The following UGGT2 variants were observed in gnomAD, a reference collection of about 807,000 sequenced individuals.
UGGT2 encodes UDP-glucose glycoprotein glucosyltransferase 2.
UGGT2 carries 180 observed loss-of-function variants against 192.1 expected under a neutral mutation model. The observed-to-expected ratio is 0.94, with a 90% confidence interval of 0.83 to 1.06. The LOEUF (loss-of-function observed/expected upper bound fraction) is 1.06. UGGT2 is among the 50% of genes least tolerant of loss of function. The pLI, the probability that UGGT2 is intolerant of heterozygous loss-of-function variation, is 0.00. For synonymous variants in UGGT2, 580 were observed against 591.0 expected (o/e 0.98, Z 0.27); for missense variants, 1,849 against 1,795.7 (o/e 1.03, Z -0.54).
chr13:95,882,781 A>T (rs1455711652), intron 27 of UGGT2, among the ~76,000 whole-genome samples: 1 of 152,206 alleles, frequency 6.6e-6, no homozygotes, highest in East Asian at 1.9e-4. Context: ...ATAGCTGCTG[A>T]AATTTTCACC....
intron 12 of UGGT2, among the ~76,000 whole-genome samples, chr13:95,965,985 G>T (rs942252775): frequency 1.3e-5 from 2 of 152,070 alleles, no homozygotes; most frequent in Admixed American, 1.3e-4. Flanking sequence ...ACACTATGGA[G>T]ATTCCTCAAA....
intron 1 of UGGT2, 58 bp downstream of exon 1, chr13:96,053,097 C>T (rs558993114): frequency 9.7e-5 from 137 of 1,407,596 alleles, no homozygotes; most frequent in Non-Finnish European, 1.2e-4. Context: ...GAAGAAAGCG[C>T]GGCTGAGGGT....
At chr13:95,976,237 C>A (rs1241695769) in intron 10 of UGGT2, among the ~76,000 whole-genome samples, 1 of 152,060 alleles carries the variant, frequency 6.6e-6, no homozygotes, top group Non-Finnish European at 1.5e-5. Flanking sequence ...TCTATTGTTG[C>A]TAAAGATGAC....
intron 2 of UGGT2, among the ~76,000 whole-genome samples, chr13:96,025,595 G>GT (rs2052639431): frequency 6.6e-6 from 1 of 152,260 alleles, no homozygotes; most frequent in Admixed American, 6.5e-5. Flanking sequence ...TCACTCAGGA[G>GT]ATTTCCTCTA....
At chr13:95,875,085 T>A (rs952650635) in intron 29 of UGGT2, among the ~76,000 whole-genome samples, 2 of 152,186 alleles carry the variant, frequency 1.3e-5, no homozygotes, top group African/African-American at 4.8e-5. Context: ...CAGCTCCTGT[T>A]ACTCCATATC....
intron 38 of UGGT2, among the ~76,000 whole-genome samples, chr13:95,811,377 C>T (rs1480816268): frequency 6.6e-6 from 1 of 152,146 alleles, no homozygotes; most frequent in Admixed American, 6.5e-5. Context: ...CTGGACAATC[C>T]TATCCATGTG....
At position 96,031,985 on chromosome 13, in the gene UGGT2, A is replaced by T; in HGVS notation, c.159-14T>A. On this transcript the variant is annotated splice_polypyrimidine_tract_variant and intron_variant, in intron 1 of 38. Coordinates refer to ENST00000376747, the MANE Select transcript of UGGT2 (RefSeq NM_020121.4). ...GCCATAAATTCACTATTAAAAAAAT[A>T]GAAGTAATCGGTTAGTAGATGGAAT... 3 of 1,581,766 alleles carry T rather than the reference A, an allele frequency of 1.9e-6. No homozygotes were observed. Among genetic ancestry groups the T allele is most frequent in the Non-Finnish European group, 2.6e-6 (3 of 1,152,958 alleles).
At chr13:95,825,137 T>C (rs1485550663) in intron 38 of UGGT2, among the ~76,000 whole-genome samples, 3 of 152,138 alleles carry the variant, frequency 2.0e-5, no homozygotes, top group African/African-American at 7.2e-5. Flanking sequence ...CCTATGGAAT[T>C]GTAATGGCAG....
Position 95,845,826 on chromosome 13 carries a change from G to A in UGGT2, c.4284+7717C>T, listed in dbSNP as rs368417180. 1.4e-3 allele frequency among the ~76,000 whole-genome samples: 213 copies of A among 150,980 alleles called. No individual in the cohort carries two copies. In the South Asian group the frequency reaches 0.014, roughly 10 times the overall value. On this transcript the variant is annotated intron_variant, in intron 36 of 38. Transcript: ENST00000376747. ...CTCTTCACATCTCAGACGGGGTGGC[G>A]GGGTGGCGGGGCAGAGGCGCTCCCC...
intron 11 of UGGT2, 52 bp downstream of exon 11, chr13:95,972,528 G>A: frequency 5.0e-6 from 7 of 1,404,912 alleles, no homozygotes; most frequent in Non-Finnish European, 7.0e-6. Flanking sequence ...TCAAGACAAT[G>A]TTTATTTTTA....
rs140120760 is a variant in UGGT2, at chr13:96,000,190, T to C, written c.661-883A>G. Among the ~76,000 whole-genome samples the C allele has an allele frequency of 6.3e-4, 96 of 152,332 alleles. 2 individuals are homozygous for C. In the East Asian group the frequency reaches 0.018, roughly 29 times the overall value. ...AGCAAACTCCCTGGAAGAAGCCATG[T>C]GTCTTTGCTTAATTCAGGTTTGCAC... is the stretch of plus-strand genomic sequence containing the variant. On this transcript the variant is annotated intron_variant, in intron 5 of 38. Transcript: ENST00000376747.
At chr13:95,929,322 G>A (rs1303098840) in intron 17 of UGGT2, among the ~76,000 whole-genome samples, 1 of 152,108 alleles carries the variant, frequency 6.6e-6, no homozygotes, top group African/African-American at 2.4e-5. Flanking sequence ...AGATTCGAGG[G>A]TACACATGCA....
At chr13:95,967,300 G>C (rs754518315) in intron 12 of UGGT2, among the ~76,000 whole-genome samples, 1 of 151,356 alleles carries the variant, frequency 6.6e-6, no homozygotes, top group South Asian at 2.1e-4. Context: ...CTACAGGCAC[G>C]TACCACCACA....
chr13:95,967,750 G>A (rs2050634665), intron 12 of UGGT2, among the ~76,000 whole-genome samples: 1 of 152,136 alleles, frequency 6.6e-6, no homozygotes. Flanking sequence ...GGGATTACAG[G>A]CATGAGACAC....
Position 95,994,750 on chromosome 13 carries a change from T to A in UGGT2, c.830+1313A>T, listed in dbSNP as rs146971054. On this transcript the variant is annotated intron_variant, in intron 7 of 38. Coordinates refer to ENST00000376747, the MANE Select transcript of UGGT2 (RefSeq NM_020121.4). The stretch of plus-strand genomic sequence containing the variant: ...TTCGAATATGGGAAATCATAATTTG[T>A]ATGGTGATAGCACCATATAGTGCAA... 4.2e-4 allele frequency among the ~76,000 whole-genome samples: 64 copies of A among 152,162 alleles called. 1 individual carries two copies. The East Asian group carries it at 0.011, about 27-fold the overall frequency.
At chr13:95,828,220 A>G (rs534364868) in intron 38 of UGGT2, among the ~76,000 whole-genome samples, 16 of 152,268 alleles carry the variant, frequency 1.1e-4, no homozygotes, top group African/African-American at 3.1e-4. Context: ...AGAAAGCAGG[A>G]AAGATCTAAA....
chr13:96,023,268 CTAAT>C, intron 3 of UGGT2, 116 bp from the exon 4 acceptor site: 2 of 795,854 alleles, frequency 2.5e-6, no homozygotes, highest in Non-Finnish European at 1.8e-6. Context: ...AGTTATTGCT[CTAAT>C]TAAAGTAAAA....
At chr13:95,905,204 T>C (rs887022475) in intron 20 of UGGT2, among the ~76,000 whole-genome samples, 2 of 151,648 alleles carry the variant, frequency 1.3e-5, no homozygotes, top group Non-Finnish European at 2.9e-5. Context: ...TAGCCCTTTG[T>C]CAGATGAGTA....
At chr13:95,904,445 T>TC (rs1379170121) in intron 20 of UGGT2, among the ~76,000 whole-genome samples, 1 of 30,540 alleles carries the variant, frequency 3.3e-5, no homozygotes, top group Non-Finnish European at 6.2e-5. Flanking sequence ...CCCTCCCCCC[T>TC]CCCCCCCACC....
Sources: allele counts gnomAD v4.1 joint callset (sites outside exome capture counted in the v4.1 genomes callset), GRCh38; gene constraint gnomAD v4.1.1; transcripts MANE v1.5; gene names NCBI Gene and HGNC (gene_info 2026-07-23, HGNC 2026-07-21).